The following LYZL4 variants were observed in gnomAD, a reference collection of about 807,000 sequenced individuals.
LYZL4 encodes lysozyme-like protein 4.
In LYZL4, 13 loss-of-function variants were observed where a neutral mutation model predicts 17.6. The observed-to-expected ratio is 0.74, with a 90% CI of 0.48 to 1.18. The LOEUF (loss-of-function observed/expected upper bound fraction) is 1.18. Ranked by LOEUF, LYZL4 falls within the 50% of genes most tolerant of loss-of-function variation. The pLI is 0.00. For missense variants in LYZL4, 174 were observed against 188.2 expected (o/e 0.92, Z 0.44); for synonymous variants, 64 against 67.7 (o/e 0.95, Z 0.27).
chr3:42,379,305 C>A, the LYZL4 span, among the ~76,000 whole-genome samples: 1 of 152,166 alleles, frequency 6.6e-6, no homozygotes, highest in African/African-American at 2.4e-5. Context: ...ATCTCCTCAA[C>A]ATAGGGGCTG....
chr3:42,395,223 CAAAA>C (rs1698534995), downstream of LYZL4, among the ~76,000 whole-genome samples: 1 of 152,146 alleles, frequency 6.6e-6, no homozygotes, highest in Non-Finnish European at 1.5e-5. Context: ...AAGGTTAAGA[CAAAA>C]AGAAAGGCTG....
chr3:42,375,960 A>T, the LYZL4 span, among the ~76,000 whole-genome samples: 1 of 152,200 alleles, frequency 6.6e-6, no homozygotes, highest in Middle Eastern at 3.2e-3. Context: ...TGAGGTGTGT[A>T]TCGACAGCAC....
At chr3:42,400,679 T>C (rs551430057) in intron 4 of LYZL4, among the ~76,000 whole-genome samples, 2 of 152,272 alleles carry the variant, frequency 1.3e-5, no homozygotes, top group Admixed American at 1.3e-4. Flanking sequence ...ATCTGAAAAA[T>C]TGTGCCATCT....
At chr3:42,393,536 C>T (rs1303680624), downstream of LYZL4, among the ~76,000 whole-genome samples, 4 of 152,132 alleles carry the variant, frequency 2.6e-5, no homozygotes, top group African/African-American at 4.8e-5. Flanking sequence ...CACTTTGTTG[C>T]GGTAGGAAAA....
At chr3:42,383,496 A>C in the LYZL4 span, among the ~76,000 whole-genome samples, 1 of 152,138 alleles carries the variant, frequency 6.6e-6, no homozygotes, top group Non-Finnish European at 1.5e-5. Context: ...TGCTTATATA[A>C]CTTGATGAAC....
At chr3:42,384,648 A>G in the LYZL4 span, among the ~76,000 whole-genome samples, 1 of 152,362 alleles carries the variant, frequency 6.6e-6, no homozygotes, top group Middle Eastern at 3.4e-3. Flanking sequence ...GCTAAAGAAG[A>G]AAAACACTGT....
At position 42,401,955 on chromosome 3, in the gene LYZL4, G is replaced by C. The variant is rs112383734; in HGVS notation, c.371+2091C>G. On this transcript the variant is annotated intron_variant, in intron 4 of 4. Coordinates refer to ENST00000287748, the MANE Select transcript of LYZL4 (RefSeq NM_144634.4). ...CAACAGGGAAAGAAAAAGAAAGAAA[G>C]GATATTGCAGAGCCAAATGTGAAAG... is the stretch of plus-strand genomic sequence containing the variant. 4.8e-3 allele frequency among the ~76,000 whole-genome samples: 729 copies of C among 152,006 alleles called. 6 individuals are homozygous for C. The highest frequency in any genetic ancestry group is 0.017 in the African/African-American group (689 of 41,476).
chr3:42,398,802 G>T (rs1478679491), intron 4 of LYZL4, among the ~76,000 whole-genome samples: 1 of 152,110 alleles, frequency 6.6e-6, no homozygotes, highest in East Asian at 1.9e-4. Flanking sequence ...CTAAGAAAGA[G>T]ATTTCACATA....
At chr3:42,392,858 G>A (rs1031617434), downstream of LYZL4, among the ~76,000 whole-genome samples, 1 of 152,166 alleles carries the variant, frequency 6.6e-6, no homozygotes, top group African/African-American at 2.4e-5. Flanking sequence ...AGATTTTTAA[G>A]GTGGTGGAGT....
the LYZL4 span, among the ~76,000 whole-genome samples, chr3:42,382,555 T>C: frequency 3.3e-5 from 5 of 152,154 alleles, no homozygotes; most frequent in Non-Finnish European, 7.4e-5. Flanking sequence ...TTAATCCTTA[T>C]ATAACCCCAA....
At chr3:42,372,597 C>T in the LYZL4 span, among the ~76,000 whole-genome samples, 1 of 152,178 alleles carries the variant, frequency 6.6e-6, no homozygotes, top group South Asian at 2.1e-4. Flanking sequence ...TGGAGCATGC[C>T]TCAGCATTGT....
the LYZL4 span, among the ~76,000 whole-genome samples, chr3:42,386,409 C>T: frequency 1.5e-4 from 20 of 136,638 alleles, no homozygotes; most frequent in East Asian, 1.2e-3. Context: ...CCCCCCCCCC[C>T]CCCGCCTCCC....
chr3:42,364,168 G>A, the LYZL4 span, among the ~76,000 whole-genome samples: 1 of 152,072 alleles, frequency 6.6e-6, no homozygotes. Flanking sequence ...ATGAGGTATG[G>A]GGCTTTCTGC....
At chr3:42,371,251 G>C in the LYZL4 span, among the ~76,000 whole-genome samples, 1 of 152,172 alleles carries the variant, frequency 6.6e-6, no homozygotes, top group African/African-American at 2.4e-5. Flanking sequence ...AATTTATGGA[G>C]ACCAGCACTC....
chr3:42,372,909 T>C, the LYZL4 span, among the ~76,000 whole-genome samples: 1 of 152,110 alleles, frequency 6.6e-6, no homozygotes, highest in Admixed American at 6.5e-5. Context: ...TGAACTGGGC[T>C]AGAATTAGGA....
the LYZL4 span, among the ~76,000 whole-genome samples, chr3:42,361,168 C>T: frequency 1.3e-5 from 2 of 152,064 alleles, no homozygotes; most frequent in Non-Finnish European, 2.9e-5. Context: ...GTGTATGTAA[C>T]ATATGTGTGT....
the LYZL4 span, among the ~76,000 whole-genome samples, chr3:42,384,784 T>TAC: frequency 6.6e-6 from 1 of 150,802 alleles, no homozygotes; most frequent in Non-Finnish European, 1.5e-5. Context: ...AAGGATGGGG[T>TAC]GTGTGTGTGT....
chr3:42,380,260 T>G, the LYZL4 span, among the ~76,000 whole-genome samples: 8 of 152,210 alleles, frequency 5.3e-5, no homozygotes, highest in African/African-American at 1.9e-4. Flanking sequence ...AAAAGGACAG[T>G]GTTTACTGCC....
At chr3:42,381,964 A>G in the LYZL4 span, among the ~76,000 whole-genome samples, 2 of 152,176 alleles carry the variant, frequency 1.3e-5, no homozygotes, top group Non-Finnish European at 2.9e-5. Context: ...AGGGGGAAAA[A>G]CATCCTAGGG....
Sources: gnomAD v4.1 joint callset for allele counts (sites outside exome capture counted in the v4.1 genomes callset) on GRCh38, gnomAD v4.1.1 for gene constraint, MANE v1.5 for transcripts, NCBI Gene and HGNC (gene_info 2026-07-23, HGNC 2026-07-21) for gene names.